DRC11: variants seen among roughly 807,000 people sequenced by gnomAD.
The protein encoded by DRC11 is IQ and AAA domain-containing protein 1.
the DRC11 span, among the ~76,000 whole-genome samples, chr2:236,378,113 T>G: frequency 6.6e-6 from 1 of 152,202 alleles, no homozygotes; most frequent in East Asian, 1.9e-4. Flanking sequence ...AGCCAAATAC[T>G]ATTCGGGGAA....
At chr2:236,402,379 A>ATTTCAGCTTTGCATT in the DRC11 span, among the ~76,000 whole-genome samples, 29 of 152,190 alleles carry the variant, frequency 1.9e-4, no homozygotes, top group African/African-American at 5.8e-4. The surrounding 1 kb of genome is among the most constrained non-coding windows in gnomAD (Gnocchi z 6.0). Flanking sequence ...TCAGCTTTGC[A>ATTTCAGCTTTGCATT]TTTCAGCTTT....
the DRC11 span, among the ~76,000 whole-genome samples, chr2:236,380,938 CA>C: frequency 6.6e-6 from 1 of 152,166 alleles, no homozygotes; most frequent in Non-Finnish European, 1.5e-5. This position sits in a 1 kb window ranked among gnomAD's most constrained non-coding sequence, Gnocchi z 4.9. Context: ...TGGTGTCCCA[CA>C]AAGGATGAGA....
the DRC11 span, chr2:236,497,366 A>G: frequency 6.2e-7 from 1 of 1,613,986 alleles, no homozygotes; most frequent in African/African-American, 1.3e-5. This position sits in a 1 kb window ranked among gnomAD's most constrained non-coding sequence, Gnocchi z 5.1. Context: ...TTTACGTAGA[A>G]GGTGGCTAAT....
the DRC11 span, among the ~76,000 whole-genome samples, chr2:236,318,815 C>T: frequency 1.3e-5 from 2 of 152,118 alleles, no homozygotes; most frequent in South Asian, 2.1e-4. The surrounding 1 kb of genome is among the most constrained non-coding windows in gnomAD (Gnocchi z 7.0). Context: ...GAAATTAGCC[C>T]AGCCCAGCGA....
chr2:236,416,747 A>ATT, the DRC11 span, among the ~76,000 whole-genome samples: 10 of 56,066 alleles, frequency 1.8e-4, no homozygotes, highest in Non-Finnish European at 3.7e-4. Context: ...ATATATATAT[A>ATT]TATATATATA....
At chr2:236,493,600 A>G in the DRC11 span, among the ~76,000 whole-genome samples, 1,827 of 152,310 alleles carry the variant, frequency 0.012, 13 homozygotes, top group Admixed American at 0.017. Flanking sequence ...ATATATCACC[A>G]AAAGCACATC....
chr2:236,382,987 T>C, the DRC11 span, among the ~76,000 whole-genome samples: 1 of 152,182 alleles, frequency 6.6e-6, no homozygotes, highest in Non-Finnish European at 1.5e-5. Flanking sequence ...TATGGGACAT[T>C]TGTCACAACT....
chr2:236,346,034 A>G, the DRC11 span, among the ~76,000 whole-genome samples: 188 of 152,322 alleles, frequency 1.2e-3, no homozygotes, highest in African/African-American at 4.2e-3. Flanking sequence ...CGCTGGCCCA[A>G]CGCCTGGGCC....
At chr2:236,328,475 C>T in the DRC11 span, among the ~76,000 whole-genome samples, 1 of 152,112 alleles carries the variant, frequency 6.6e-6, no homozygotes, top group Non-Finnish European at 1.5e-5. The surrounding 1 kb of genome is among the most constrained non-coding windows in gnomAD (Gnocchi z 6.7). Flanking sequence ...TTCCTTGATG[C>T]TTCCCCATGG....
chr2:236,377,697 T>A, the DRC11 span, among the ~76,000 whole-genome samples: 1 of 152,310 alleles, frequency 6.6e-6, no homozygotes, highest in African/African-American at 2.4e-5. This position sits in a 1 kb window ranked among gnomAD's most constrained non-coding sequence, Gnocchi z 4.9. Flanking sequence ...AGATAAAACG[T>A]CTAAAGCAAT....
the DRC11 span, among the ~76,000 whole-genome samples, chr2:236,485,422 C>A: frequency 0.015 from 2,344 of 152,208 alleles, 73 homozygotes; most frequent in African/African-American, 0.053. Flanking sequence ...GTTCCTGTTT[C>A]AACATTTTTA....
chr2:236,374,533 A>G, the DRC11 span, among the ~76,000 whole-genome samples: 3 of 152,240 alleles, frequency 2.0e-5, no homozygotes, highest in African/African-American at 7.2e-5. Context: ...TACAGGAAGC[A>G]TGATGCTGGC....
chr2:236,493,138 G>T, the DRC11 span, among the ~76,000 whole-genome samples: 1 of 152,116 alleles, frequency 6.6e-6, no homozygotes, highest in African/African-American at 2.4e-5. Flanking sequence ...CTCATATGGC[G>T]GCAGACAAGA....
the DRC11 span, among the ~76,000 whole-genome samples, chr2:236,486,037 T>G: frequency 6.6e-6 from 1 of 152,212 alleles, no homozygotes; most frequent in Non-Finnish European, 1.5e-5. The surrounding 1 kb of genome is among the most constrained non-coding windows in gnomAD (Gnocchi z 5.7). Flanking sequence ...GGATGCCACT[T>G]CTGTGATCAT....
the DRC11 span, among the ~76,000 whole-genome samples, chr2:236,309,226 C>T: frequency 6.6e-6 from 1 of 152,338 alleles, no homozygotes; most frequent in East Asian, 1.9e-4. The surrounding 1 kb of genome is among the most constrained non-coding windows in gnomAD (Gnocchi z 5.7). Flanking sequence ...TGCCCTGGCC[C>T]TGTCAGTCCA....
At chr2:236,384,028 T>C in the DRC11 span, among the ~76,000 whole-genome samples, 2 of 152,180 alleles carry the variant, frequency 1.3e-5, no homozygotes, top group African/African-American at 4.8e-5. Context: ...TATTCCATGG[T>C]GTATATGTGC....
chr2:236,497,931 T>C, the DRC11 span, among the ~76,000 whole-genome samples: 12 of 152,232 alleles, frequency 7.9e-5, no homozygotes, highest in Non-Finnish European at 1.8e-4. This position sits in a 1 kb window ranked among gnomAD's most constrained non-coding sequence, Gnocchi z 5.1. Context: ...TGAATAATTA[T>C]ACCCTAGAGA....
At chr2:236,459,568 T>TATACGTAC in the DRC11 span, among the ~76,000 whole-genome samples, 1 of 131,142 alleles carries the variant, frequency 7.6e-6, no homozygotes, top group Non-Finnish European at 1.7e-5. Flanking sequence ...TACGTATATA[T>TATACGTAC]GTGTATACAT....
the DRC11 span, chr2:236,419,337 T>C: frequency 2.0e-6 from 3 of 1,490,020 alleles, no homozygotes; most frequent in Non-Finnish European, 2.7e-6. This position sits in a 1 kb window ranked among gnomAD's most constrained non-coding sequence, Gnocchi z 4.8. Context: ...CTGTTTTCCC[T>C]GTCTGAAAGG....
Sources: allele counts gnomAD v4.1 joint callset (sites outside exome capture counted in the v4.1 genomes callset), GRCh38; gene constraint gnomAD v4.1.1; non-coding constraint Gnocchi (gnomAD v3.1); transcripts MANE v1.5; gene names NCBI Gene and HGNC (gene_info 2026-07-23, HGNC 2026-07-21).